ABCC5: variants seen among roughly 807,000 people sequenced by gnomAD.
The protein encoded by ABCC5 is ATP-binding cassette sub-family C member 5.
In ABCC5, 61 loss-of-function variants were observed where a neutral mutation model predicts 160.9. The observed-to-expected ratio is 0.38, with a 90% CI of 0.31 to 0.47. ABCC5 has a LOEUF of 0.47. Among genes scored for constraint, ABCC5 ranks in the 20% least tolerant of loss-of-function variants. The pLI, the probability that ABCC5 is intolerant of heterozygous loss-of-function variation, is 0.99. For missense variants in ABCC5, 1,308 were observed against 1,813.3 expected, an observed-to-expected ratio of 0.72 and a Z score of 5.06; for synonymous variants, 666 against 700.6, an observed-to-expected ratio of 0.95 and a Z score of 0.78.
At position 183,919,989 on chromosome 3, in the gene ABCC5, G is replaced by A. The variant is rs960725492; in HGVS notation, c.*1311C>T. The A allele has an allele frequency of 2.0e-5, 3 of 152,594 alleles. No homozygotes were observed. Among genetic ancestry groups the A allele is most frequent in the African/African-American group, 7.2e-5 (3 of 41,436 alleles). 9.5% of individuals were successfully genotyped at this position (152,594 alleles called of 1,614,324 possible). ...ATTTTCAGATTTTTGCTTCCACAAG[G>A]TGTTCAGCAAACATGCTAAGGCGAC... On this transcript the variant is annotated 3_prime_UTR_variant, in exon 30 of 30. Coordinates refer to ENST00000334444, the MANE Select transcript of ABCC5 (RefSeq NM_005688.4).
At chr3:183,997,410 A>G (rs942953513) in intron 2 of ABCC5, among the ~76,000 whole-genome samples, 1 of 152,208 alleles carries the variant, frequency 6.6e-6, no homozygotes, top group Admixed American at 6.5e-5. Flanking sequence ...CATGTTAGCT[A>G]TATTATCCCA....
intron 1 of ABCC5, among the ~76,000 whole-genome samples, chr3:184,016,374 C>T (rs1433027703): frequency 6.6e-6 from 1 of 152,112 alleles, no homozygotes; most frequent in Non-Finnish European, 1.5e-5. Flanking sequence ...AAAGTAGGCA[C>T]AAAGTTACTG....
At position 183,961,194 on chromosome 3, in the gene ABCC5, C is replaced by T. The variant is rs368003407; in HGVS notation, c.2379+317G>A. On this transcript the variant is annotated intron_variant, in intron 16 of 29. Coordinates refer to ENST00000334444, the MANE Select transcript of ABCC5 (RefSeq NM_005688.4). ...TAATGCTTCAATCAGGTGGATGGAG[C>T]TTAGGAAACTAAGCTGTGAATGAAC... Among the ~76,000 whole-genome samples, 113 of 152,316 alleles carry T rather than the reference C, an allele frequency of 7.4e-4. 1 individual carries two copies. Among genetic ancestry groups the T allele is most frequent in the African/African-American group, 2.6e-3 (108 of 41,572 alleles).
chr3:183,940,751 C>T (rs527740750), intron 25 of ABCC5, among the ~76,000 whole-genome samples: 8 of 152,228 alleles, frequency 5.3e-5, no homozygotes, highest in Admixed American at 2.0e-4. Context: ...CAGTGAAGTC[C>T]TCAAGATGGT....
Position 183,927,357 on chromosome 3 carries a change from T to A in ABCC5, c.4020A>T (p.Ile1340=), listed in dbSNP as rs765267747. The A allele has an allele frequency of 3.7e-6, 6 of 1,613,514 alleles. No individual in the cohort carries two copies. In the East Asian group the frequency reaches 1.3e-4, roughly 36 times the overall value. The change falls in exon 28 of 30, where the codon ATA becomes ATT. Residue 1340 remains isoleucine, a synonymous_variant. Coordinates refer to ENST00000334444, the MANE Select transcript of ABCC5 (RefSeq NM_005688.4). ...TACAGTGGCGGAGCAGGGCTCTAGC[T>A]ATGCACAAGAGCTGCCGTTCCCCCA... ...FSVGERQLLC[I]ARALLRHCKI...
intron 5 of ABCC5, chr3:183,985,780 T>A (rs1470313303): frequency 3.9e-6 from 1 of 256,230 alleles, no homozygotes; most frequent in Non-Finnish European, 7.8e-6. Flanking sequence ...CCTGCACATA[T>A]AGCGGCAGTC....
intron 26 of ABCC5, among the ~76,000 whole-genome samples, chr3:183,931,158 T>A (rs1343067521): frequency 6.6e-6 from 1 of 152,056 alleles, no homozygotes; most frequent in Non-Finnish European, 1.5e-5. Flanking sequence ...TCTTGCAAAA[T>A]ATAGTATGTA....
Position 183,983,011 on chromosome 3 carries a change from C to A in ABCC5, c.592-4G>T, listed in dbSNP as rs543271284. The A allele has an allele frequency of 6.2e-7, 1 of 1,609,380 alleles. No homozygotes were observed. The highest frequency in any genetic ancestry group is 8.5e-7 in the Non-Finnish European group (1 of 1,175,768). Reference sequence around the variant, plus strand: ...AGAGGTGTTTCACCATGAAGGCCTACAGGGAGAGACACACACCACTGTCAA... The same window carrying A: ...AGAGGTGTTTCACCATGAAGGCCTAAAGGGAGAGACACACACCACTGTCAA... On this transcript the variant is annotated splice_polypyrimidine_tract_variant and splice_region_variant and intron_variant, in intron 5 of 29. Transcript: ENST00000334444.
intron 17 of ABCC5, among the ~76,000 whole-genome samples, chr3:183,958,839 A>G (rs531894709): frequency 1.3e-5 from 2 of 152,072 alleles, no homozygotes; most frequent in African/African-American, 4.8e-5. Flanking sequence ...GGCCCGAGCA[A>G]TCTTCCCACC....
At chr3:184,013,586 TAGA>T (rs1721938746) in intron 2 of ABCC5, among the ~76,000 whole-genome samples, 1 of 152,124 alleles carries the variant, frequency 6.6e-6, no homozygotes, top group Non-Finnish European at 1.5e-5. Flanking sequence ...TGACAGAAAG[TAGA>T]AGAAAACACC....
intron 29 of ABCC5, among the ~76,000 whole-genome samples, chr3:183,923,453 T>G (rs1245465498): frequency 6.6e-6 from 1 of 152,070 alleles, no homozygotes; most frequent in Non-Finnish European, 1.5e-5. Flanking sequence ...TGAAACCCTG[T>G]GTCTACTAAA....
In ABCC5 at chr3:183,951,755, G is replaced by A. The variant is rs145009925; in HGVS notation, c.2814+102C>T. On this transcript the variant is annotated intron_variant, in intron 19 of 29. Transcript: ENST00000334444. This position sits in a 1 kb window ranked among gnomAD's most constrained non-coding sequence, Gnocchi z 4.7. Reference sequence around the variant, plus strand: ...AGTCATCTCAGCCAGGGCCATCCTGGTTAAGGGAGCTCCCCTACTCAGCAT... The same window carrying A: ...AGTCATCTCAGCCAGGGCCATCCTGATTAAGGGAGCTCCCCTACTCAGCAT... The A allele has an allele frequency of 3.9e-6, 6 of 1,519,186 alleles. No homozygotes were observed. The highest frequency in any genetic ancestry group is 2.3e-5 in the East Asian group (1 of 44,016). 94.1% of individuals were successfully genotyped at this position (1,519,186 alleles called of 1,614,324 possible).
At position 183,988,551 on chromosome 3, in the gene ABCC5, G is replaced by A. The variant is rs374282340; in HGVS notation, c.443+21C>T. 5 of 1,604,724 alleles carry A rather than the reference G, an allele frequency of 3.1e-6. No homozygotes were observed. The highest frequency in any genetic ancestry group is 4.3e-6 in the Non-Finnish European group (5 of 1,176,290). On this transcript the variant is annotated intron_variant, in intron 4 of 29. Coordinates refer to ENST00000334444, the MANE Select transcript of ABCC5 (RefSeq NM_005688.4). This position sits in a 1 kb window ranked among gnomAD's most constrained non-coding sequence, Gnocchi z 4.4. ...TGCCCACCCGGCATGGGGGAGATGAGGGTGGACCAGAGGCGCCTACCTTCT... is the reference window on the plus strand; with the variant it reads ...TGCCCACCCGGCATGGGGGAGATGAAGGTGGACCAGAGGCGCCTACCTTCT...
chr3:183,929,871 G>A (rs769141842), intron 26 of ABCC5, among the ~76,000 whole-genome samples: 22 of 152,146 alleles, frequency 1.4e-4, no homozygotes, highest in Non-Finnish European at 2.9e-4. Flanking sequence ...GCCTACCTGG[G>A]CCTCCCAAAA....
chr3:183,945,932 C>T lies in ABCC5; in HGVS notation c.3422G>A (p.Gly1141Glu). The T allele has an allele frequency of 6.2e-7, 1 of 1,613,904 alleles. No homozygotes were observed. Among genetic ancestry groups the T allele is most frequent in the Non-Finnish European group, 8.5e-7 (1 of 1,179,842 alleles). Residue 1141 changes from glycine (G) to glutamate (E), a missense_variant, in exon 24 of 30, where the codon GGG becomes GAG. Coordinates refer to ENST00000334444, the MANE Select transcript of ABCC5 (RefSeq NM_005688.4). ...LAISYAVQLT[G>E]LFQFTVRLAS... ...CAGTCTGACCGTAAACTGGAACAGC[C>T]CCGTTAACTGATAATGGAAAACAAC...
At chr3:183,941,124 T>G (rs1447783323) in intron 25 of ABCC5, among the ~76,000 whole-genome samples, 1 of 152,130 alleles carries the variant, frequency 6.6e-6, no homozygotes, top group African/African-American at 2.4e-5. Context: ...CCTCCCAGAG[T>G]GCTGGGATTA....
chr3:183,922,614 T>C (rs917457977), intron 29 of ABCC5, among the ~76,000 whole-genome samples: 2 of 152,186 alleles, frequency 1.3e-5, no homozygotes, highest in African/African-American at 2.4e-5. Context: ...TGGAAAATCA[T>C]GTGGCAGCAG....
At chr3:183,942,091 G>A (rs1466808231) in intron 25 of ABCC5, among the ~76,000 whole-genome samples, 1 of 151,878 alleles carries the variant, frequency 6.6e-6, no homozygotes, top group Non-Finnish European at 1.5e-5. Flanking sequence ...CCAGGTTGGA[G>A]TGTAGTGGCG....
chr3:183,921,447 A>G lies in ABCC5; in HGVS notation c.4213-46T>C, dbSNP rs754757385. On this transcript the variant is annotated intron_variant, in intron 29 of 29. Coordinates refer to ENST00000334444, the MANE Select transcript of ABCC5 (RefSeq NM_005688.4). This position sits in a 1 kb window ranked among gnomAD's most constrained non-coding sequence, Gnocchi z 4.1. Reference sequence around the variant, plus strand: ...GTCAGGACACAGCTCTGGGTCATGCAGGGTGATTCAGAGGATCCACGGCTC... The same window carrying G: ...GTCAGGACACAGCTCTGGGTCATGCGGGGTGATTCAGAGGATCCACGGCTC... The G allele has an allele frequency of 3.2e-6, 5 of 1,571,306 alleles. No homozygotes were observed. Among genetic ancestry groups the G allele is most frequent in the Non-Finnish European group, 1.7e-6 (2 of 1,157,460 alleles).
Sources: allele counts gnomAD v4.1 joint callset (sites outside exome capture counted in the v4.1 genomes callset), GRCh38; gene constraint gnomAD v4.1.1; non-coding constraint Gnocchi (gnomAD v3.1); transcripts MANE v1.5; gene names NCBI Gene and HGNC (gene_info 2026-07-23, HGNC 2026-07-21).